The following CFAP20DC variants were observed in gnomAD, a reference collection of about 807,000 sequenced individuals.
CFAP20DC encodes the protein CFAP20 domain containing, also known as protein CFAP20DC.
Under a neutral mutation model 101.7 loss-of-function variants are expected in CFAP20DC, and 84 were observed. The ratio of observed to expected loss-of-function variants is 0.83; its 90% CI spans 0.69 to 0.99. The LOEUF is 0.99. Among genes scored for constraint, CFAP20DC ranks in the 50% least tolerant of loss-of-function variants. CFAP20DC has a pLI of 0.00. For synonymous variants in CFAP20DC, 359 were observed against 351.2 expected, an observed-to-expected ratio of 1.02 and a Z score of -0.25; for missense variants, 1,007 against 970.3, an observed-to-expected ratio of 1.04 and a Z score of -0.50.
intron 4 of CFAP20DC, among the ~76,000 whole-genome samples, chr3:59,003,757 A>G (rs181851081): frequency 5.9e-5 from 9 of 152,370 alleles, no homozygotes; most frequent in African/African-American, 2.2e-4. Flanking sequence ...ATAGCATTCC[A>G]GGAAAAGTTT....
At chr3:58,743,694 T>A (rs2068006473) in intron 16 of CFAP20DC, among the ~76,000 whole-genome samples, 1 of 152,170 alleles carries the variant, frequency 6.6e-6, no homozygotes, top group South Asian at 2.1e-4. Context: ...GCCCATGATC[T>A]TAAGTGTCAC....
Position 58,869,440 on chromosome 3 carries a change from A to G in CFAP20DC, c.903T>C (p.Thr301=), listed in dbSNP as rs369222536. 3.1e-6 allele frequency: 5 copies of G among 1,613,450 alleles called. No homozygotes were observed. The highest frequency in any genetic ancestry group is 4.2e-6 in the Non-Finnish European group (5 of 1,179,732). The stretch of plus-strand genomic sequence containing the variant: ...CTGTACCATTAACACACTTCTCTAC[A>G]GTGGACGGCTGGCATGATCGGTTAT... The part of the protein sequence containing the change: ...SKNNRSCQPS[T]VEKCVNGTEM... The change falls in exon 9 of 17, where the codon ACT becomes ACC. Residue 301 remains threonine (T), a synonymous_variant. Transcript: ENST00000482387. The surrounding 1 kb of genome is among the most constrained non-coding windows in gnomAD (Gnocchi z 4.3).
chr3:58,760,737 A>G (rs1161042448), intron 15 of CFAP20DC, among the ~76,000 whole-genome samples: 1 of 152,208 alleles, frequency 6.6e-6, no homozygotes, highest in Non-Finnish European at 1.5e-5. Context: ...GAGAGTTTTT[A>G]GCATGAAGGG....
intron 4 of CFAP20DC, among the ~76,000 whole-genome samples, chr3:59,034,312 A>G (rs572115758): frequency 1.4e-3 from 213 of 152,362 alleles, no homozygotes; most frequent in African/African-American, 4.9e-3. Flanking sequence ...ACCAGCTAGC[A>G]TCATAATGAC....
In CFAP20DC at chr3:58,723,950, CG is replaced by C. The variant is rs199565075; in HGVS notation, c.198-6323del. On this transcript the variant is annotated intron_variant, in intron 3 of 3. Transcript: ENST00000486145. ...TGACAGAAGAGGTAGGTGCCTTAGG[CG>C]CACATTTTTTGTTGTTCTAGCCTGT... Among the ~76,000 whole-genome samples, 55 of 152,256 alleles carry C rather than the reference CG, an allele frequency of 3.6e-4. 2 individuals carry two copies. The East Asian group carries it at 0.011, about 29-fold the overall frequency.
chr3:59,003,300 TA>T (rs2093356816), intron 4 of CFAP20DC, among the ~76,000 whole-genome samples: 1 of 152,100 alleles, frequency 6.6e-6, no homozygotes, highest in South Asian at 2.1e-4. Flanking sequence ...AGAAACAACT[TA>T]TTGGTGGTTG....
intron 14 of CFAP20DC, among the ~76,000 whole-genome samples, chr3:58,825,169 C>CA (rs1249146962): frequency 6.6e-6 from 1 of 152,108 alleles, no homozygotes; most frequent in East Asian, 1.9e-4. Context: ...CACATCAAAA[C>CA]AAACACTACA....
intron 6 of CFAP20DC, among the ~76,000 whole-genome samples, chr3:58,904,817 TA>T: frequency 6.6e-6 from 1 of 152,304 alleles, no homozygotes. Context: ...GTGAGTCTAT[TA>T]AGGCTAGATG....
Position 58,861,315 on chromosome 3 carries a change from A to G in CFAP20DC, c.1593+2243T>C. The G allele has an allele frequency of 5.5e-6, 4 of 723,852 alleles. No individual in the cohort carries two copies. The highest frequency in any genetic ancestry group is 6.8e-6 in the Non-Finnish European group (4 of 591,602). The allele number at this position is 723,852 out of a possible 1,614,324, so 44.8% of individuals were successfully genotyped here. A position where few individuals can be genotyped will look rare whatever the true frequency, so the allele number is the denominator to read the frequency against. ...ATTCACTTGTCCACCATTATTTACAACTTGACATTATGTTTTCCTGAAGTA... is the reference window on the plus strand; with the variant it reads ...ATTCACTTGTCCACCATTATTTACAGCTTGACATTATGTTTTCCTGAAGTA... On this transcript the variant is annotated intron_variant, in intron 12 of 16. Coordinates refer to ENST00000482387, the MANE Select transcript of CFAP20DC (RefSeq NM_001394063.1). The surrounding 1 kb of genome is among the most constrained non-coding windows in gnomAD (Gnocchi z 4.0).
chr3:58,983,430 T>G (rs2092649007), intron 4 of CFAP20DC, among the ~76,000 whole-genome samples: 1 of 152,152 alleles, frequency 6.6e-6, no homozygotes, highest in South Asian at 2.1e-4. Context: ...CATGTTTTTT[T>G]AAAGCACGAA....
intron 14 of CFAP20DC, among the ~76,000 whole-genome samples, chr3:58,826,306 T>C (rs2076034826): frequency 6.6e-6 from 1 of 152,220 alleles, no homozygotes; most frequent in African/African-American, 2.4e-5. Context: ...AAAAAATGAA[T>C]TTTTAAAAAT....
chr3:58,790,035 A>G (rs868093812), intron 15 of CFAP20DC, among the ~76,000 whole-genome samples: 3 of 152,312 alleles, frequency 2.0e-5, no homozygotes, highest in South Asian at 4.1e-4. Flanking sequence ...CAATTATACT[A>G]ATTATTCTTA....
chr3:58,772,324 A>C (rs1388296857), intron 15 of CFAP20DC, among the ~76,000 whole-genome samples: 1 of 152,222 alleles, frequency 6.6e-6, no homozygotes, highest in Non-Finnish European at 1.5e-5. Flanking sequence ...TGTGCAGGTC[A>C]AAAGAAAAGA....
At chr3:58,915,575 A>G (rs2084600985) in intron 5 of CFAP20DC, among the ~76,000 whole-genome samples, 1 of 152,050 alleles carries the variant, frequency 6.6e-6, no homozygotes, top group African/African-American at 2.4e-5. Context: ...CTCCAGGGGT[A>G]CAGACATAAA....
At chr3:58,871,476 C>T (rs1301090672) in intron 7 of CFAP20DC, among the ~76,000 whole-genome samples, 2 of 151,904 alleles carry the variant, frequency 1.3e-5, no homozygotes, top group Admixed American at 6.5e-5. Context: ...AGCTAAATTA[C>T]ATTTCTGAGC....
In CFAP20DC at chr3:58,849,066, G is replaced by A. The variant is rs1207149439; in HGVS notation, c.1937C>T (p.Ser646Leu). 5.2e-6 allele frequency: 8 copies of A among 1,535,980 alleles called. No homozygotes were observed. Among genetic ancestry groups the A allele is most frequent in the Non-Finnish European group, 7.0e-6 (8 of 1,146,862 alleles). The stretch of plus-strand genomic sequence containing the variant: ...GGGGATCGAGCTCAGCCTTTCCCCT[G>A]AGATTTCTTTCAGGGAGGTTTTGTT... ...SLNKTSLKEISGERLSSIPEA... is the reference protein window; with the variant it reads ...SLNKTSLKEILGERLSSIPEA... The change falls in exon 13 of 17, where the codon TCA becomes TTA. Residue 646 changes from serine (S) to leucine (L), a missense_variant. Transcript: ENST00000482387.
chr3:59,049,510 A>T, intron 1 of CFAP20DC, 101 bp downstream of exon 1: 1 of 1,109,658 alleles, frequency 9.0e-7, no homozygotes, highest in South Asian at 1.3e-5. Flanking sequence ...AAAAGACCTT[A>T]TTATGGGGAT....
In CFAP20DC at chr3:58,874,320, A is replaced by G. The variant is rs2080548327; in HGVS notation, c.716-4011T>C. On this transcript the variant is annotated intron_variant, in intron 7 of 16. Coordinates refer to ENST00000482387, the MANE Select transcript of CFAP20DC (RefSeq NM_001394063.1). The surrounding 1 kb of genome is among the most constrained non-coding windows in gnomAD (Gnocchi z 5.1). The stretch of plus-strand genomic sequence containing the variant: ...TCCTCCTGGATGATGACAAAGCCTT[A>G]CTGTGTGACTTACTGTGTCCACGCT... 6.6e-6 allele frequency among the ~76,000 whole-genome samples: 1 copy of G among 152,164 alleles called. No homozygotes were observed. Among genetic ancestry groups the G allele is most frequent in the Admixed American group, 6.5e-5 (1 of 15,278 alleles).
In CFAP20DC at chr3:58,728,701, A is replaced by G. The variant is rs2067592177; in HGVS notation, c.198-11073T>C. 6.6e-6 allele frequency among the ~76,000 whole-genome samples: 1 copy of G among 151,944 alleles called. No individual in the cohort carries two copies. Among genetic ancestry groups the G allele is most frequent in the South Asian group, 2.1e-4 (1 of 4,814 alleles). On this transcript the variant is annotated intron_variant, in intron 3 of 3. Coordinates refer to the CFAP20DC transcript ENST00000486145. The surrounding 1 kb of genome is among the most constrained non-coding windows in gnomAD (Gnocchi z 4.7). Reference sequence around the variant, plus strand: ...TGCCAGAGCTTTGGTAAATGCATGAACTCTACACACCGTATTGGAGAGAAC... The same window carrying G: ...TGCCAGAGCTTTGGTAAATGCATGAGCTCTACACACCGTATTGGAGAGAAC...
Sources: allele counts gnomAD v4.1 joint callset (sites outside exome capture counted in the v4.1 genomes callset), GRCh38; gene constraint gnomAD v4.1.1; non-coding constraint Gnocchi (gnomAD v3.1); transcripts MANE v1.5; gene names NCBI Gene and HGNC (gene_info 2026-07-23, HGNC 2026-07-21).